Variants in BIRC2 observed in about 807,000 individuals in gnomAD.
The protein encoded by BIRC2 is baculoviral IAP repeat containing 2, also known as baculoviral IAP repeat-containing protein 2.
A neutral mutation model predicts 60.9 loss-of-function variants in BIRC2; 18 were observed. That is an observed-to-expected ratio of 0.30 (90% confidence interval 0.20 to 0.44). The LOEUF (loss-of-function observed/expected upper bound fraction) is 0.44. BIRC2 is among the 20% of genes least tolerant of loss of function. The pLI, the probability that BIRC2 is intolerant of heterozygous loss-of-function variation, is 1.00. For missense variants in BIRC2, 701 were observed against 728.5 expected (o/e 0.96, Z 0.43); for synonymous variants, 282 against 247.7 (o/e 1.14, Z -1.30).
rs1951346289 is a variant in BIRC2, at chr11:102,350,492, G to C, written c.638G>C (p.Gly213Ala). The C allele has an allele frequency of 6.2e-7, 1 of 1,614,016 alleles. No individual in the cohort carries two copies. The highest frequency in any genetic ancestry group is 1.3e-5 in the African/African-American group (1 of 74,906). ...ELARAGFYYIGPGDRVACFAC... is the reference protein window; with the variant it reads ...ELARAGFYYIAPGDRVACFAC... Reference sequence around the variant, plus strand: ...GCAAGAGCTGGTTTTTATTATATAGGACCTGGAGATAGGGTAGCCTGCTTT... The same window carrying C: ...GCAAGAGCTGGTTTTTATTATATAGCACCTGGAGATAGGGTAGCCTGCTTT... The change falls in exon 2 of 9, where the codon GGA becomes GCA. Residue 213 changes from glycine to alanine, a missense_variant. Gly to Ala is a moderately conservative substitution (Grantham distance 60, BLOSUM62 0). Coordinates refer to ENST00000227758, the MANE Select transcript of BIRC2 (RefSeq NM_001166.5).
In BIRC2 at chr11:102,349,955, G is replaced by T. The variant is rs368571070; in HGVS notation, c.101G>T (p.Ser34Ile). Residue 34 changes from serine (S) to isoleucine (I), a missense_variant, in exon 2 of 9, where the codon AGC (serine) becomes ATC (isoleucine). Physicochemically the swap from Ser to Ile is moderately radical, Grantham distance 142 (BLOSUM62 -2). Coordinates refer to ENST00000227758, the MANE Select transcript of BIRC2 (RefSeq NM_001166.5). ...ACGATCTTGTCAGATTGGACAAACA[G>T]CAACAAACAAAAAATGAAGTATGAC... ...DSTILSDWTN[S>I]NKQKMKYDFS... 2 of 1,614,170 alleles carry T rather than the reference G, an allele frequency of 1.2e-6. No individual in the cohort carries two copies. The highest frequency in any genetic ancestry group is 1.3e-5 in the African/African-American group (1 of 75,042).
chr11:102,363,520 G>C, intron 4 of BIRC2, 148 bp from the exon 5 acceptor site: 1 of 472,900 alleles, frequency 2.1e-6, no homozygotes, highest in Non-Finnish European at 3.8e-6. Context: ...ATGTGATTAG[G>C]GTAAAAGAAA....
At chr11:102,372,573 A>T (rs1340348778) in intron 6 of BIRC2, among the ~76,000 whole-genome samples, 3 of 148,416 alleles carry the variant, frequency 2.0e-5, no homozygotes, top group Non-Finnish European at 3.0e-5. Flanking sequence ...TGCTGAGGAG[A>T]GCTTTACTTC....
chr11:102,355,270 T>C (rs1223637714), intron 3 of BIRC2, among the ~76,000 whole-genome samples: 1 of 152,198 alleles, frequency 6.6e-6, no homozygotes, highest in Non-Finnish European at 1.5e-5. Flanking sequence ...CCATTTCTAG[T>C]TAATTTTTGT....
In BIRC2 at chr11:102,377,753, G is replaced by C. The variant is rs776372179; in HGVS notation, c.1621+3G>C. Reference sequence around the variant, plus strand: ...TACATTGTATAAGAACTTATTTGGTGAGTTTGTTGGGAAAATTATTTTAGA... The same window carrying C: ...TACATTGTATAAGAACTTATTTGGTCAGTTTGTTGGGAAAATTATTTTAGA... On this transcript the variant is annotated splice_donor_region_variant and intron_variant, in intron 7 of 8. Transcript: ENST00000227758. The C allele has an allele frequency of 6.3e-7, 1 of 1,594,204 alleles. No individual in the cohort carries two copies. The highest frequency in any genetic ancestry group is 1.2e-5 in the South Asian group (1 of 86,356).
At chr11:102,367,373 A>T (rs552399461) in intron 5 of BIRC2, among the ~76,000 whole-genome samples, 1 of 152,042 alleles carries the variant, frequency 6.6e-6, no homozygotes, top group African/African-American at 2.4e-5. Context: ...TATCTTGAAC[A>T]TAAAGTATTT....
intron 6 of BIRC2, among the ~76,000 whole-genome samples, chr11:102,369,984 T>C (rs1319301074): frequency 6.6e-6 from 1 of 152,248 alleles, no homozygotes; most frequent in East Asian, 1.9e-4. Context: ...TGCCTGTTCA[T>C]GTCCTTTGCC....
intron 3 of BIRC2, among the ~76,000 whole-genome samples, chr11:102,351,586 G>T (rs1312335106): frequency 8.5e-6 from 1 of 117,222 alleles, no homozygotes; most frequent in Non-Finnish European, 1.6e-5. Flanking sequence ...CTGAACTCCA[G>T]CCTGGGTAAC....
intron 6 of BIRC2, among the ~76,000 whole-genome samples, chr11:102,375,455 G>A (rs1951699985): frequency 6.6e-6 from 1 of 152,144 alleles, no homozygotes; most frequent in Admixed American, 6.5e-5. Context: ...TTTAAAGTCT[G>A]GACTTCTACA....
rs1305547178 is a variant in BIRC2 at position 102,377,884 on chromosome 11, C to T, written c.1649C>T (p.Thr550Ile). The part of the protein sequence containing the change: ...FVDKNMKYIP[T>I]EDVSGLSLEE... ...GATAAGAATATGAAGTATATTCCAA[C>T]AGAAGATGTTTCAGGTAAAACAAAG... is the stretch of plus-strand genomic sequence containing the variant. The change falls in exon 8 of 9, where the codon ACA becomes ATA. Residue 550 changes from threonine (T) to isoleucine (I), a missense_variant. Around this residue, in one of 4 missense-constraint regions of BIRC2, gnomAD observed 52 missense variants for 83.9 expected, o/e 0.62. Transcript: ENST00000227758. 3.1e-6 allele frequency: 5 copies of T among 1,610,682 alleles called. No individual in the cohort carries two copies. The East Asian group carries it at 1.1e-4, about 36-fold the overall frequency.
chr11:102,353,244 T>C (rs1348784544), intron 3 of BIRC2, among the ~76,000 whole-genome samples: 1 of 152,230 alleles, frequency 6.6e-6, no homozygotes. Flanking sequence ...TTGTAACTTG[T>C]GTTTTGTTTT....
At chr11:102,369,627 G>A (rs1349806089) in intron 6 of BIRC2, among the ~76,000 whole-genome samples, 141 of 144,728 alleles carry the variant, frequency 9.7e-4, no homozygotes, top group Non-Finnish European at 1.7e-3. Flanking sequence ...ATAAACATAC[G>A]TGTGCATGTG....
At chr11:102,354,294 C>G (rs1951395757) in intron 3 of BIRC2, among the ~76,000 whole-genome samples, 1 of 152,168 alleles carries the variant, frequency 6.6e-6, no homozygotes, top group African/African-American at 2.4e-5. Context: ...ACTGCAATCT[C>G]CACCTCCTGG....
chr11:102,359,493 G>A (rs1050822463), intron 3 of BIRC2, among the ~76,000 whole-genome samples: 1 of 152,096 alleles, frequency 6.6e-6, no homozygotes, highest in Admixed American at 6.5e-5. Context: ...ATTTCAGCTT[G>A]GAGAACTCTT....
chr11:102,364,172 T>TATATATATATATATATATATATATAC (rs1351743517), intron 5 of BIRC2, among the ~76,000 whole-genome samples: 3 of 89,720 alleles, frequency 3.3e-5, no homozygotes, highest in East Asian at 7.2e-4. Context: ...TATATATATA[T>TATATATATATATATATATATATATAC]ATACACACAC....
chr11:102,352,117 T>A (rs1039152685), intron 3 of BIRC2, among the ~76,000 whole-genome samples: 2 of 151,034 alleles, frequency 1.3e-5, no homozygotes, highest in Non-Finnish European at 3.0e-5. Flanking sequence ...TTTTTTTTTT[T>A]GTTTTGTTTT....
rs1013457850 is a variant in BIRC2 at position 102,350,862 on chromosome 11, A to G, written c.914A>G (p.Lys305Arg). The G allele has an allele frequency of 3.7e-6, 6 of 1,613,910 alleles. No individual in the cohort carries two copies. The highest frequency in any genetic ancestry group is 2.2e-5 in the East Asian group (1 of 44,888). The stretch of plus-strand genomic sequence containing the variant: ...CCTGAAGGTCGCAATGATGATGTCA[A>G]ATGCTTTTGTTGTGATGGTGGCTTG... Reference protein sequence around the residue: ...FYYVGRNDDVKCFCCDGGLRC... With the variant: ...FYYVGRNDDVRCFCCDGGLRC... Residue 305 changes from lysine to arginine, a missense_variant, in exon 3 of 9, where the codon AAA becomes AGA. Coordinates refer to ENST00000227758, the MANE Select transcript of BIRC2 (RefSeq NM_001166.5).
At chr11:102,363,751 A>G in intron 5 of BIRC2, 35 bp downstream of exon 5, 1 of 1,561,852 alleles carries the variant, frequency 6.4e-7, no homozygotes, top group Non-Finnish European at 8.8e-7. Context: ...TAGAGTGTAA[A>G]TTTTTATAAG....
At position 102,348,758 on chromosome 11, in the gene BIRC2, AAAG is replaced by A; in HGVS notation, c.-1093_-1091del. On this transcript the variant is annotated 5_prime_UTR_variant, in exon 2 of 9. Coordinates refer to ENST00000227758, the MANE Select transcript of BIRC2 (RefSeq NM_001166.5). The stretch of plus-strand genomic sequence containing the variant: ...TTTTAAAACATTGAAGAGTTTTCAG[AAAG>A]AAGGCTAGTAGAGTTGATTACTGAT... 5.2e-6 allele frequency: 2 copies of A among 387,986 alleles called. No individual in the cohort carries two copies. Among genetic ancestry groups the A allele is most frequent in the Non-Finnish European group, 1.0e-5 (2 of 199,238 alleles). The allele number at this position is 387,986 out of a possible 1,614,324, so 24.0% of individuals were successfully genotyped here.
Sources: allele counts gnomAD v4.1 joint callset (sites outside exome capture counted in the v4.1 genomes callset), GRCh38; gene constraint gnomAD v4.1.1; regional missense constraint gnomAD v4.1.1; transcripts MANE v1.5; gene names NCBI Gene and HGNC (gene_info 2026-07-23, HGNC 2026-07-21).